EP400: variants seen among roughly 807,000 people sequenced by gnomAD.
EP400 encodes E1A-binding protein p400.
Under a neutral mutation model 354.1 loss-of-function variants are expected in EP400, and 105 were observed. The ratio of observed to expected loss-of-function variants is 0.30; its 90% CI spans 0.25 to 0.35. The LOEUF (loss-of-function observed/expected upper bound fraction) is 0.35, where lower values mean the gene tolerates loss of function less well. Among genes scored for constraint, EP400 ranks in the 10% least tolerant of loss-of-function variants. EP400 has a pLI of 1.00. For missense variants in EP400, 3,280 were observed against 4,121.0 expected (o/e 0.80, Z 5.59); for synonymous variants, 1,646 against 1,716.9 (o/e 0.96, Z 1.02).
In EP400 at chr12:132,069,537, G is replaced by A; in HGVS notation, c.8917G>A (p.Val2973Ile). 1 of 1,614,214 alleles carries A rather than the reference G, an allele frequency of 6.2e-7. No homozygotes were observed. The highest frequency in any genetic ancestry group is 8.5e-7 in the Non-Finnish European group (1 of 1,180,024). Residue 2973 changes from valine (V) to isoleucine (I), a missense_variant, in exon 51 of 53, where the codon GTT becomes ATT. Coordinates refer to ENST00000389561, the MANE Select transcript of EP400 (RefSeq NM_015409.5). Reference protein sequence around the residue: ...QITTPGAQQKVAYAAQPALKT... With the variant: ...QITTPGAQQKIAYAAQPALKT... The stretch of plus-strand genomic sequence containing the variant: ...CACCACCCCTGGCGCGCAGCAGAAG[G>A]TTGCCTACGCCGCGCAGCCGGCCCT...
At chr12:131,986,205 C>T (rs1440705457) in intron 5 of EP400, among the ~76,000 whole-genome samples, 1 of 152,136 alleles carries the variant, frequency 6.6e-6, no homozygotes, top group African/African-American at 2.4e-5. Flanking sequence ...TCTCAAACTC[C>T]TGGGCTCAAG....
chr12:131,987,881 T>C lies in EP400; in HGVS notation c.2400T>C (p.Ala800=). 6.2e-7 allele frequency: 1 copy of C among 1,607,292 alleles called. No individual in the cohort carries two copies. The highest frequency in any genetic ancestry group is 2.2e-5 in the East Asian group (1 of 44,682). The change falls in exon 7 of 53, where the codon GCT becomes GCC. Residue 800 remains alanine, a synonymous_variant. Coordinates refer to ENST00000389561, the MANE Select transcript of EP400 (RefSeq NM_015409.5). ...FAQERRWKVA[A]AKKLVRTVVR... is the part of the protein sequence containing the mutation. ...AGGAGAGGAGGTGGAAGGTGGCTGC[T>C]GCGAAGAAGGTGGGTTGGAATGCGT...
chr12:132,025,514 TG>T lies in EP400; in HGVS notation c.4856-131del. 1 of 1,097,994 alleles carries T rather than the reference TG, an allele frequency of 9.1e-7. No homozygotes were observed. Among genetic ancestry groups the T allele is most frequent in the Non-Finnish European group, 1.3e-6 (1 of 797,032 alleles). The allele number at this position is 1,097,994 out of a possible 1,614,324, so 68.0% of individuals were successfully genotyped here. ...CACTTTCCTCACAGTAACTGAACTT[TG>T]CATTGATTTTTTTGTGTAGATTTGA... On this transcript the variant is annotated intron_variant, in intron 24 of 52. Coordinates refer to ENST00000389561, the MANE Select transcript of EP400 (RefSeq NM_015409.5). The surrounding 1 kb of genome is among the most constrained non-coding windows in gnomAD (Gnocchi z 4.1).
chr12:132,064,025 C>T (rs1593384916), intron 47 of EP400, among the ~76,000 whole-genome samples: 1 of 59,472 alleles, frequency 1.7e-5, no homozygotes, highest in Non-Finnish European at 2.6e-5. Context: ...CCACTGATGA[C>T]CCCCCCCCGG....
At chr12:132,048,281 T>G (rs1895177912) in intron 39 of EP400, among the ~76,000 whole-genome samples, 1 of 152,162 alleles carries the variant, frequency 6.6e-6, no homozygotes, top group Admixed American at 6.5e-5. Flanking sequence ...CATGAAATCT[T>G]CACAATTTAT....
chr12:131,974,487 T>G (rs962015917), intron 2 of EP400, among the ~76,000 whole-genome samples: 5 of 152,166 alleles, frequency 3.3e-5, no homozygotes, highest in African/African-American at 1.2e-4. Context: ...CTACTATTGG[T>G]CTTAATTTCT....
rs144444095 is a variant in EP400 at position 131,999,288 on chromosome 12, G to A, written c.2827+4332G>A. 7.2e-3 allele frequency among the ~76,000 whole-genome samples: 1,090 copies of A among 152,086 alleles called. 35 individuals are homozygous for A. In the South Asian group the frequency reaches 0.094, roughly 13 times the overall value. On this transcript the variant is annotated intron_variant, in intron 12 of 52. Transcript: ENST00000389561. ...GAAGCCTTGGCCTGACGTGTCCTAC[G>A]GTGTGCTCTTCACTGCTGCTCTCAG...
At chr12:131,959,960 G>C (rs1442765744) in intron 1 of EP400, among the ~76,000 whole-genome samples, 1 of 152,210 alleles carries the variant, frequency 6.6e-6, no homozygotes, top group Non-Finnish European at 1.5e-5. Flanking sequence ...AGTTGAGGTA[G>C]TCCTGGAGGT....
intron 5 of EP400, among the ~76,000 whole-genome samples, chr12:131,983,289 C>A (rs1340349235): frequency 6.6e-6 from 1 of 152,228 alleles, no homozygotes; most frequent in African/African-American, 2.4e-5. Context: ...TGCTTTGCTG[C>A]TTTTGGGATG....
rs978816891 is a variant in EP400, at chr12:132,045,474, C to A, written c.6940C>A (p.Pro2314Thr). Reference sequence around the variant, plus strand: ...GAAGCAGCAGGTGCCATTCGCCAAGCCCCTGCCAACTTTTGCCAAACCCAC... The same window carrying A: ...GAAGCAGCAGGTGCCATTCGCCAAGACCCTGCCAACTTTTGCCAAACCCAC... The part of the protein sequence containing the change: ...LLKQQVPFAK[P>T]LPTFAKPTAE... The change falls in exon 38 of 53, where the codon CCC becomes ACC. Residue 2314 changes from proline (P) to threonine (T), a missense_variant. Around this residue, in one of 20 missense-constraint regions of EP400, gnomAD observed 231 missense variants for 257.9 expected, o/e 0.90. Coordinates refer to ENST00000389561, the MANE Select transcript of EP400 (RefSeq NM_015409.5). 6.2e-7 allele frequency: 1 copy of A among 1,614,072 alleles called. No individual in the cohort carries two copies. The highest frequency in any genetic ancestry group is 1.3e-5 in the African/African-American group (1 of 74,942).
Position 131,990,413 on chromosome 12 carries a change from C to T in EP400, c.2551-223C>T, listed in dbSNP as rs952225026. 3.3e-5 allele frequency among the ~76,000 whole-genome samples: 5 copies of T among 152,168 alleles called. No homozygotes were observed. The highest frequency in any genetic ancestry group is 6.5e-5 in the Admixed American group (1 of 15,276). On this transcript the variant is annotated intron_variant, in intron 8 of 52. Coordinates refer to ENST00000389561, the MANE Select transcript of EP400 (RefSeq NM_015409.5). The surrounding 1 kb of genome is among the most constrained non-coding windows in gnomAD (Gnocchi z 4.2). ...CACGGTTACTTCTAGAGCGGTCGCT[C>T]GCTCACTTGCTTTCCTTTTTTGAAA...
chr12:132,028,337 C>T (rs748275490), intron 27 of EP400, 49 bp downstream of exon 27: 6 of 1,590,960 alleles, frequency 3.8e-6, no homozygotes, highest in African/African-American at 1.3e-5. Flanking sequence ...TGCATTGCAC[C>T]CCGGCAAGAC....
At chr12:132,003,896 G>C (rs1162517761) in intron 12 of EP400, among the ~76,000 whole-genome samples, 6 of 152,216 alleles carry the variant, frequency 3.9e-5, no homozygotes, top group African/African-American at 7.2e-5. Context: ...CTTTAACATG[G>C]TCCTTGTAGG....
chr12:132,044,744 G>A (rs764290493), intron 36 of EP400, 29 bp downstream of exon 36: 1 of 1,614,164 alleles, frequency 6.2e-7, no homozygotes, highest in Admixed American at 1.7e-5. Context: ...CTTTGTGTCT[G>A]TGTGGGCAGC....
In EP400 at chr12:131,960,587, G is replaced by A. The variant is rs1234106357; in HGVS notation, c.-33G>A. The A allele has an allele frequency of 1.3e-6, 2 of 1,549,544 alleles. No homozygotes were observed. Among genetic ancestry groups the A allele is most frequent in the African/African-American group, 2.7e-5 (2 of 73,462 alleles). On this transcript the variant is annotated splice_region_variant and 5_prime_UTR_variant, in exon 2 of 53. Coordinates refer to ENST00000389561, the MANE Select transcript of EP400 (RefSeq NM_015409.5). Reference sequence around the variant, plus strand: ...TTGATTTTAATTTTAATTTTTAGGAGAACGACACATTGGATACAGAAGGGA... The same window carrying A: ...TTGATTTTAATTTTAATTTTTAGGAAAACGACACATTGGATACAGAAGGGA...
At chr12:131,953,092 G>A (rs1891570894) in intron 1 of EP400, among the ~76,000 whole-genome samples, 1 of 152,114 alleles carries the variant, frequency 6.6e-6, no homozygotes, top group African/African-American at 2.4e-5. Context: ...TGGAAGAAGG[G>A]TGAAAAAACT....
At chr12:131,985,336 A>G (rs1231243612) in intron 5 of EP400, among the ~76,000 whole-genome samples, 5 of 152,248 alleles carry the variant, frequency 3.3e-5, no homozygotes, top group East Asian at 1.9e-4. Context: ...ACGTAAGTGG[A>G]TGTGGCTGTG....
intron 51 of EP400, 35 bp from the exon 52 acceptor site, chr12:132,076,481 G>T: frequency 6.2e-7 from 1 of 1,605,294 alleles, no homozygotes; most frequent in South Asian, 1.1e-5. Context: ...ATACTCCTTT[G>T]AATTGTATGT....
At chr12:132,015,926 G>A (rs980584423) in intron 19 of EP400, among the ~76,000 whole-genome samples, 4 of 152,048 alleles carry the variant, frequency 2.6e-5, no homozygotes, top group Non-Finnish European at 5.9e-5. Flanking sequence ...TGCCGTGAGG[G>A]TGGCACCCAT....
Sources: gnomAD v4.1 joint callset for allele counts (sites outside exome capture counted in the v4.1 genomes callset) on GRCh38, gnomAD v4.1.1 for gene constraint, gnomAD v4.1.1 regional missense constraint, Gnocchi (gnomAD v3.1) non-coding constraint, MANE v1.5 for transcripts, NCBI Gene and HGNC (gene_info 2026-07-23, HGNC 2026-07-21) for gene names.